RBFOX1: variants seen among roughly 807,000 people sequenced by gnomAD.
RBFOX1 encodes the protein RNA binding protein fox-1 homolog 1.
A neutral mutation model predicts 57.7 loss-of-function variants in RBFOX1; 8 were observed. The observed-to-expected ratio is 0.14, with a 90% confidence interval of 0.08 to 0.25. The LOEUF is 0.25. RBFOX1 is among the 10% of genes least tolerant of loss of function. RBFOX1 has a pLI of 1.00. For missense variants in RBFOX1, 611 were observed against 548.5 expected, an observed-to-expected ratio of 1.11 and a Z score of -1.14; for synonymous variants, 326 against 222.4, an observed-to-expected ratio of 1.47 and a Z score of -4.15.
Position 7,670,976 on chromosome 16 carries a change from A to T in RBFOX1, c.931-5798A>T, listed in dbSNP as rs1224460905. Among the ~76,000 whole-genome samples the T allele has an allele frequency of 2.0e-5, 3 of 152,224 alleles. No individual in the cohort carries two copies. In the East Asian group the frequency reaches 5.8e-4, roughly 29 times the overall value. ...TATTAACACTAGTTTACACACACGC[A>T]CACACACTCATATATACTCACAGTT... On this transcript the variant is annotated intron_variant, in intron 13 of 15. Transcript: ENST00000550418.
intron 3 of RBFOX1, chr16:6,703,842 G>A (rs66639840): frequency 0.085 from 12,896 of 152,308 alleles, 757 homozygotes; most frequent in African/African-American, 0.17. Flanking sequence ...CTCTGACAAG[G>A]ATAGCCAGCA....
Position 7,661,903 on chromosome 16 carries a change from C to T in RBFOX1, c.891-3026C>T, listed in dbSNP as rs571175031. On this transcript the variant is annotated intron_variant, in intron 12 of 15. Transcript: ENST00000550418. Reference sequence around the variant, plus strand: ...AAAGCATGGCAATCAGGTTACCCTACTGAGCAGAGACTCCTAAGAGCAAAC... The same window carrying T: ...AAAGCATGGCAATCAGGTTACCCTATTGAGCAGAGACTCCTAAGAGCAAAC... 5.9e-5 allele frequency among the ~76,000 whole-genome samples: 9 copies of T among 152,344 alleles called. 1 individual carries two copies. In the South Asian group the frequency reaches 1.9e-3, roughly 32 times the overall value.
intron 4 of RBFOX1, among the ~76,000 whole-genome samples, chr16:7,273,106 C>T: frequency 7.9e-6 from 1 of 126,960 alleles, no homozygotes; most frequent in African/African-American, 3.1e-5. Context: ...TCCCTTTCCT[C>T]CTTCCCTCTC....
At chr16:7,048,296 G>C (rs920696240) in intron 3 of RBFOX1, among the ~76,000 whole-genome samples, 1 of 151,882 alleles carries the variant, frequency 6.6e-6, no homozygotes, top group African/African-American at 2.4e-5. Context: ...GTCTTGCTCT[G>C]TCTCCCAGGC....
intron 1 of RBFOX1, among the ~76,000 whole-genome samples, chr16:5,412,581 T>A (rs2067050196): frequency 6.6e-6 from 1 of 152,130 alleles, no homozygotes; most frequent in South Asian, 2.1e-4. Context: ...AAGACTCCCC[T>A]GGAAGGGTTT....
At chr16:7,322,946 C>G (rs2096564558) in intron 4 of RBFOX1, among the ~76,000 whole-genome samples, 4 of 152,086 alleles carry the variant, frequency 2.6e-5, no homozygotes, top group Admixed American at 1.3e-4. Flanking sequence ...AGGCATTTCC[C>G]CACTTCCTGA....
chr16:7,475,788 C>G (rs1173817546), intron 4 of RBFOX1, among the ~76,000 whole-genome samples: 5 of 152,122 alleles, frequency 3.3e-5, no homozygotes, highest in African/African-American at 7.2e-5. Flanking sequence ...ATTAGGGTAG[C>G]TAACAGAGCA....
intron 3 of RBFOX1, among the ~76,000 whole-genome samples, chr16:6,924,826 C>T (rs1353565914): frequency 4.8e-5 from 5 of 104,950 alleles, no homozygotes; most frequent in South Asian, 4.2e-4. Flanking sequence ...TGCTATCCCT[C>T]CCCCCTCCCC....
chr16:6,223,807 T>A (rs2097395523), intron 1 of RBFOX1, among the ~76,000 whole-genome samples: 1 of 152,152 alleles, frequency 6.6e-6, no homozygotes, highest in Non-Finnish European at 1.5e-5. Context: ...AATGCCTAGG[T>A]TTTCTTCTAG....
chr16:6,990,952 A>G (rs989454328), intron 3 of RBFOX1, among the ~76,000 whole-genome samples: 1 of 152,082 alleles, frequency 6.6e-6, no homozygotes, highest in Non-Finnish European at 1.5e-5. Context: ...CACATTGTTC[A>G]TTGATTGCAT....
chr16:7,580,676 T>A (rs186955238), intron 6 of RBFOX1, among the ~76,000 whole-genome samples: 4 of 152,266 alleles, frequency 2.6e-5, no homozygotes, highest in Non-Finnish European at 5.9e-5. Context: ...TGCCCCTGAT[T>A]ATTTTTTTCT....
chr16:6,004,530 A>G (rs771665860), intron 4 of RBFOX1, among the ~76,000 whole-genome samples: 1 of 152,222 alleles, frequency 6.6e-6, no homozygotes, highest in Non-Finnish European at 1.5e-5. Context: ...TGGCCACTCA[A>G]TGAATGTCCA....
In RBFOX1 at chr16:7,607,868, C is replaced by G. The variant is rs916249722; in HGVS notation, c.676+530C>G. Among the ~76,000 whole-genome samples, 4 of 152,324 alleles carry G rather than the reference C, an allele frequency of 2.6e-5. No individual in the cohort carries two copies. In the East Asian group the frequency reaches 7.7e-4, roughly 29 times the overall value. On this transcript the variant is annotated intron_variant, in intron 10 of 15. Transcript: ENST00000550418. ...AAATTCCCTTAGCAATTCCTTTTCT[C>G]TCTACTTTGCCTTCCAGAATATGTC...
intron 5 of RBFOX1, among the ~76,000 whole-genome samples, chr16:7,573,205 G>A (rs187237466): frequency 2.0e-5 from 3 of 152,030 alleles, no homozygotes; most frequent in African/African-American, 7.2e-5. Context: ...AGTCTTCCAG[G>A]CAAAGGGCAG....
At chr16:7,686,543 A>G (rs1427713094) in intron 14 of RBFOX1, among the ~76,000 whole-genome samples, 1 of 152,002 alleles carries the variant, frequency 6.6e-6, no homozygotes, top group Non-Finnish European at 1.5e-5. Context: ...TGGAGAGAGA[A>G]AGAGACTTTC....
intron 2 of RBFOX1, among the ~76,000 whole-genome samples, chr16:6,332,636 C>G (rs934948600): frequency 6.6e-6 from 1 of 152,160 alleles, no homozygotes; most frequent in Non-Finnish European, 1.5e-5. Flanking sequence ...CATACACATA[C>G]ACATCTGGTC....
intron 4 of RBFOX1, among the ~76,000 whole-genome samples, chr16:7,279,827 C>G (rs1304639910): frequency 6.6e-6 from 1 of 152,164 alleles, no homozygotes; most frequent in Non-Finnish European, 1.5e-5. Flanking sequence ...CAGAAATGGC[C>G]AAGCTTTCTA....
chr16:6,611,034 G>T (rs1000808004), intron 2 of RBFOX1, among the ~76,000 whole-genome samples: 4 of 152,176 alleles, frequency 2.6e-5, no homozygotes, highest in Admixed American at 2.6e-4. Flanking sequence ...GAAAGTGTAT[G>T]TTATTGTGGA....
intron 3 of RBFOX1, among the ~76,000 whole-genome samples, chr16:6,672,379 G>C (rs982821143): frequency 1.3e-5 from 2 of 149,814 alleles, no homozygotes; most frequent in African/African-American, 2.5e-5. Context: ...GGGAGAAAGA[G>C]AGAGAGAAGG....
Sources: allele counts gnomAD v4.1 joint callset (sites outside exome capture counted in the v4.1 genomes callset), GRCh38; gene constraint gnomAD v4.1.1; transcripts MANE v1.5; gene names NCBI Gene and HGNC (gene_info 2026-07-23, HGNC 2026-07-21).